The following LPAR6 variants were observed in gnomAD, a reference collection of about 807,000 sequenced individuals.
LPAR6 encodes the protein G-protein coupled purinergic receptor P2Y5.
A neutral mutation model predicts 22.0 loss-of-function variants in LPAR6; 17 were observed. The ratio of observed to expected loss-of-function variants is 0.77; its 90% CI spans 0.53 to 1.16. LPAR6 has a LOEUF of 1.16. Among genes scored for constraint, LPAR6 ranks in the 50% most tolerant of loss-of-function variants. LPAR6 has a pLI of 0.00. For missense variants in LPAR6, 384 were observed against 406.9 expected (o/e 0.94, Z 0.48); for synonymous variants, 136 against 139.8 (o/e 0.97, Z 0.19).
At chr13:48,394,425 G>T (rs558163706) in intron 1 of LPAR6, among the ~76,000 whole-genome samples, 69 of 152,250 alleles carry the variant, frequency 4.5e-4, no homozygotes, top group African/African-American at 1.7e-3. Flanking sequence ...CCCGGAAAGG[G>T]GGCTGAAGCC....
Position 48,411,724 on chromosome 13 carries a change from G to A in LPAR6, c.700C>T (p.His234Tyr), listed in dbSNP as rs1206069186. 1.5e-5 allele frequency: 24 copies of A among 1,605,052 alleles called. No individual in the cohort carries two copies. The highest frequency in any genetic ancestry group is 1.9e-5 in the Non-Finnish European group (22 of 1,172,256). The stretch of plus-strand genomic sequence containing the variant: ...AAACAGAAACAGAATATGATCAAAT[G>A]TACAAAAATCATTTTTAAAACCTTA... ...KTKVLKMIFV[H>Y]LIIFCFCFVP... is the part of the protein sequence containing the mutation. Residue 234 changes from histidine to tyrosine, a missense_variant, in exon 1 of 1, where the codon CAT (histidine) becomes TAT (tyrosine). His to Tyr is a moderately conservative substitution (Grantham distance 83). Transcript: ENST00000620633.
chr13:48,414,770 A>G (rs1279515716), upstream of LPAR6, among the ~76,000 whole-genome samples: 2 of 152,220 alleles, frequency 1.3e-5, no homozygotes, highest in Non-Finnish European at 2.9e-5. Context: ...AAATTCATCT[A>G]TTATCAAATG....
chr13:48,423,215 G>T (rs1445390516), intron 1 of LPAR6, among the ~76,000 whole-genome samples: 1 of 152,144 alleles, frequency 6.6e-6, no homozygotes, highest in South Asian at 2.1e-4. Context: ...AATGACATCT[G>T]ATTCTGATTC....
chr13:48,435,972 G>T (rs1446122304), intron 1 of LPAR6, among the ~76,000 whole-genome samples: 1 of 152,098 alleles, frequency 6.6e-6, no homozygotes, highest in Non-Finnish European at 1.5e-5. Flanking sequence ...TATCAGAGTG[G>T]ATGAAAAACA....
chr13:48,408,192 G>T (rs1243141255), downstream of LPAR6, among the ~76,000 whole-genome samples: 1 of 151,768 alleles, frequency 6.6e-6, no homozygotes, highest in Non-Finnish European at 1.5e-5. Context: ...TCAGCATTTT[G>T]AATGTAGAAT....
chr13:48,431,252 G>GT (rs1949126879), upstream of LPAR6, among the ~76,000 whole-genome samples: 1 of 151,966 alleles, frequency 6.6e-6, no homozygotes, highest in African/African-American at 2.4e-5. Context: ...TTTAATATTT[G>GT]TATTTTTTTT....
chr13:48,433,427 T>C (rs1182172104), intron 1 of LPAR6, among the ~76,000 whole-genome samples: 1 of 152,178 alleles, frequency 6.6e-6, no homozygotes, highest in East Asian at 1.9e-4. Flanking sequence ...TGGGATTCTG[T>C]TGCCTTGCTT....
chr13:48,404,927 T>G (rs1401609241), intron 1 of LPAR6, among the ~76,000 whole-genome samples: 1 of 152,180 alleles, frequency 6.6e-6, no homozygotes, highest in East Asian at 1.9e-4. Context: ...ACAGAAGTTC[T>G]CATTAGGAAT....
At chr13:48,435,756 G>A (rs1413880814) in intron 1 of LPAR6, among the ~76,000 whole-genome samples, 1 of 151,864 alleles carries the variant, frequency 6.6e-6, no homozygotes, top group Non-Finnish European at 1.5e-5. Context: ...TTTTTTAGGG[G>A]GTGCTGAGTT....
At chr13:48,421,586 C>G (rs1949005530) in intron 2 of LPAR6, among the ~76,000 whole-genome samples, 1 of 152,134 alleles carries the variant, frequency 6.6e-6, no homozygotes, top group South Asian at 2.1e-4. Flanking sequence ...AGGCAACCTA[C>G]AGAATGGGAG....
chr13:48,400,718 T>A (rs151164259), intron 1 of LPAR6, among the ~76,000 whole-genome samples: 1 of 152,130 alleles, frequency 6.6e-6, no homozygotes, highest in Non-Finnish European at 1.5e-5. Context: ...TCAGGTTTCC[T>A]TGTATGTAAA....
chr13:48,397,252 C>T (rs1948655819), intron 1 of LPAR6, among the ~76,000 whole-genome samples: 1 of 152,166 alleles, frequency 6.6e-6, no homozygotes, highest in East Asian at 1.9e-4. Flanking sequence ...CCCAAATGCC[C>T]ATCAGTGGTA....
At chr13:48,404,322 T>C (rs951113760) in intron 1 of LPAR6, 1 of 152,140 alleles carries the variant, frequency 6.6e-6, no homozygotes, top group Non-Finnish European at 1.5e-5. Flanking sequence ...AACAAAGTAT[T>C]GTACTGGTAG....
chr13:48,432,880 A>G (rs1949144647), intron 1 of LPAR6, among the ~76,000 whole-genome samples: 1 of 152,208 alleles, frequency 6.6e-6, no homozygotes, highest in Non-Finnish European at 1.5e-5. Flanking sequence ...GCATAACCCT[A>G]CAACTCTAAT....
In LPAR6 at chr13:48,411,862, T is replaced by C. The variant is rs121434307; in HGVS notation, c.562A>G (p.Ile188Val). 7 of 1,613,792 alleles carry C rather than the reference T, an allele frequency of 4.3e-6. No homozygotes were observed. Among genetic ancestry groups the C allele is most frequent in the Admixed American group, 1.7e-5 (1 of 59,988 alleles). The change falls in exon 1 of 1, where the codon ATC (isoleucine) becomes GTC (valine). Residue 188 changes from isoleucine (I) to valine (V), a missense_variant. Coordinates refer to ENST00000620633, the MANE Select transcript of LPAR6 (RefSeq NM_001162498.3). ...KTYLSRIVIF[I>V]EIVGFFIPLI... is the part of the protein sequence containing the mutation. ...GGAATAAAAAATCCCACTATTTCGA[T>C]GAAAATTACAATCCTTGAGAGATAT...
Position 48,412,492 on chromosome 13 carries a change from T to C in LPAR6, c.-69A>G. 1.0e-6 allele frequency: 1 copy of C among 990,262 alleles called. No homozygotes were observed. Among genetic ancestry groups the C allele is most frequent in the East Asian group, 2.4e-5 (1 of 41,986 alleles). 61.3% of individuals were successfully genotyped at this position (990,262 alleles called of 1,614,324 possible). A position where few individuals can be genotyped will look rare whatever the true frequency, so the allele number is the denominator to read the frequency against. ...GCTGCAGTCTCCTTTGGGATTCAGA[T>C]TATAACCTCTATAACCTCCAATTTA... On this transcript the variant is annotated 5_prime_UTR_variant, in exon 1 of 1. Transcript: ENST00000620633.
At chr13:48,420,234 A>C (rs1234571825) in intron 2 of LPAR6, among the ~76,000 whole-genome samples, 1 of 152,236 alleles carries the variant, frequency 6.6e-6, no homozygotes, top group African/African-American at 2.4e-5. Context: ...GGTTCAACAT[A>C]TGCAAATCAA....
chr13:48,427,247 A>C (rs1422294001), upstream of LPAR6, among the ~76,000 whole-genome samples: 3 of 49,694 alleles, frequency 6.0e-5, no homozygotes, highest in African/African-American at 8.6e-5. Flanking sequence ...CACCTCCAGC[A>C]TTGGGGAGCA....
chr13:48,404,084 G>C (rs1948717455), intron 1 of LPAR6: 1 of 152,160 alleles, frequency 6.6e-6, no homozygotes. Flanking sequence ...CCTAAGCTTG[G>C]TATGCAGAGT....
Sources: allele counts gnomAD v4.1 joint callset (sites outside exome capture counted in the v4.1 genomes callset), GRCh38; gene constraint gnomAD v4.1.1; transcripts MANE v1.5; gene names NCBI Gene and HGNC (gene_info 2026-07-23, HGNC 2026-07-21).